Variants in CDH22 observed in about 807,000 individuals in gnomAD.
CDH22 encodes cadherin-22.
In CDH22, 30 loss-of-function variants were observed where a neutral mutation model predicts 58.4. The ratio of observed to expected loss-of-function variants is 0.51; its 90% confidence interval spans 0.38 to 0.70. The LOEUF is 0.70. Among genes scored for constraint, CDH22 ranks in the 30% least tolerant of loss-of-function variants. The pLI, the probability that CDH22 is intolerant of heterozygous loss-of-function variation, is 0.00. For missense variants in CDH22, 1,014 were observed against 1,233.9 expected (o/e 0.82, Z 2.67); for synonymous variants, 513 against 558.2 (o/e 0.92, Z 1.14).
chr20:46,276,622 G>A (rs548980616), intron 1 of CDH22, among the ~76,000 whole-genome samples: 1 of 152,200 alleles, frequency 6.6e-6, no homozygotes, highest in Admixed American at 6.5e-5. Context: ...GGAACTGCTG[G>A]CATCCCCATC....
intron 5 of CDH22, among the ~76,000 whole-genome samples, chr20:46,215,078 C>T (rs190130401): frequency 1.3e-5 from 2 of 152,330 alleles, no homozygotes; most frequent in Non-Finnish European, 2.9e-5. Context: ...TGGACATGTG[C>T]GTTTCCTCAT....
At chr20:46,267,250 T>C (rs2086465266) in intron 1 of CDH22, among the ~76,000 whole-genome samples, 1 of 152,174 alleles carries the variant, frequency 6.6e-6, no homozygotes. Flanking sequence ...TGAGAGCCTC[T>C]GGAGCAGGTG....
At chr20:46,242,190 T>C (rs748175347) in intron 2 of CDH22, among the ~76,000 whole-genome samples, 2 of 152,176 alleles carry the variant, frequency 1.3e-5, no homozygotes, top group African/African-American at 4.8e-5. Flanking sequence ...AGAGTAGGTT[T>C]TTCTATCTTT....
intron 8 of CDH22, among the ~76,000 whole-genome samples, chr20:46,187,343 C>T (rs1213837582): frequency 6.6e-6 from 1 of 151,952 alleles, no homozygotes; most frequent in African/African-American, 2.4e-5. Context: ...TTACCAATAC[C>T]ACTATTTGCA....
chr20:46,293,505 G>A (rs553284029), intron 1 of CDH22, among the ~76,000 whole-genome samples: 2 of 152,140 alleles, frequency 1.3e-5, no homozygotes, highest in South Asian at 2.1e-4. Flanking sequence ...GTGGCTGGGG[G>A]TAGGGGGAGA....
At chr20:46,222,352 T>C (rs1321989329) in intron 4 of CDH22, among the ~76,000 whole-genome samples, 1 of 152,188 alleles carries the variant, frequency 6.6e-6, no homozygotes, top group Non-Finnish European at 1.5e-5. Context: ...TCTCACAGCC[T>C]GGGTGTAGCT....
intron 1 of CDH22, among the ~76,000 whole-genome samples, chr20:46,293,775 C>T (rs983758479): frequency 6.6e-6 from 1 of 152,008 alleles, no homozygotes; most frequent in Non-Finnish European, 1.5e-5. Context: ...CCAGCACTTT[C>T]GAAGGCCAAG....
intron 2 of CDH22, among the ~76,000 whole-genome samples, chr20:46,247,048 C>T (rs2145733034): frequency 4.5e-5 from 1 of 22,296 alleles, no homozygotes; most frequent in African/African-American, 1.7e-4. Context: ...TGACAACCTT[C>T]CCCCCCACTT....
At position 46,228,336 on chromosome 20, in the gene CDH22, C is replaced by A. The variant is rs115443798; in HGVS notation, c.551-709G>T. 2.7e-3 allele frequency among the ~76,000 whole-genome samples: 415 copies of A among 152,298 alleles called. 2 individuals are homozygous for A. Among genetic ancestry groups the A allele is most frequent in the African/African-American group, 9.2e-3 (384 of 41,552 alleles). On this transcript the variant is annotated intron_variant, in intron 3 of 11. Transcript: ENST00000537909. ...TCCCCCTGGGTGCCCAGACAGCCCA[C>A]CCCCAGACACACACACTTCTCATGC...
intron 10 of CDH22, among the ~76,000 whole-genome samples, chr20:46,184,093 TTCTC>T (rs1386815701): frequency 6.6e-6 from 1 of 150,652 alleles, no homozygotes; most frequent in East Asian, 1.9e-4. Context: ...TTACCCTGCT[TTCTC>T]TCTCTCTTTT....
At chr20:46,232,457 A>G (rs2086226224) in intron 3 of CDH22, among the ~76,000 whole-genome samples, 1 of 152,148 alleles carries the variant, frequency 6.6e-6, no homozygotes, top group Non-Finnish European at 1.5e-5. Context: ...AATGAGAGAA[A>G]GAGATGAAGC....
chr20:46,254,760 G>A (rs1302911286), intron 1 of CDH22, among the ~76,000 whole-genome samples: 1 of 152,122 alleles, frequency 6.6e-6, no homozygotes, highest in Non-Finnish European at 1.5e-5. Context: ...TATCAGGGAG[G>A]GAGGGCCTCT....
intron 6 of CDH22, 141 bp downstream of exon 6, chr20:46,212,854 T>C: frequency 1.5e-6 from 1 of 662,650 alleles, no homozygotes; most frequent in Non-Finnish European, 2.6e-6. Flanking sequence ...ACCATCAGTG[T>C]TTTTCCAGGT....
At chr20:46,207,593 G>A (rs983718470) in intron 7 of CDH22, among the ~76,000 whole-genome samples, 6 of 152,216 alleles carry the variant, frequency 3.9e-5, no homozygotes, top group Non-Finnish European at 8.8e-5. Flanking sequence ...CATTGGCAGC[G>A]AGTGTAGTGA....
Position 46,251,243 on chromosome 20 carries a change from G to C in CDH22, c.52C>G (p.Pro18Ala). The change falls in exon 2 of 12, where the codon CCC becomes GCC. Residue 18 changes from proline to alanine, a missense_variant. Pro to Ala is a conservative substitution (Grantham distance 27, BLOSUM62 -1). Coordinates refer to ENST00000537909, the MANE Select transcript of CDH22 (RefSeq NM_021248.3). The surrounding 1 kb of genome is among the most constrained non-coding windows in gnomAD (Gnocchi z 6.7). ...AGCAGCAGCAGCAGCAGTAGCGCGG[G>C]GGACAGCGCGACTCCCGCCCGGAGC... is the stretch of plus-strand genomic sequence containing the variant. Reference protein sequence around the residue: ...RGLRAGVALSPALLLLLLLPP... With the variant: ...RGLRAGVALSAALLLLLLLPP... The C allele has an allele frequency of 6.8e-7, 1 of 1,471,230 alleles. No individual in the cohort carries two copies. Among genetic ancestry groups the C allele is most frequent in the Non-Finnish European group, 9.0e-7 (1 of 1,114,680 alleles). 91.1% of individuals were successfully genotyped at this position (1,471,230 alleles called of 1,614,324 possible). A position where few individuals can be genotyped will look rare whatever the true frequency, so the allele number is the denominator to read the frequency against.
At chr20:46,271,095 T>C (rs2086486060) in intron 1 of CDH22, among the ~76,000 whole-genome samples, 1 of 152,218 alleles carries the variant, frequency 6.6e-6, no homozygotes, top group African/African-American at 2.4e-5. Flanking sequence ...TGGAAGATAA[T>C]GAATAGCAGC....
At chr20:46,271,354 C>A (rs1053673393) in intron 1 of CDH22, among the ~76,000 whole-genome samples, 1 of 152,132 alleles carries the variant, frequency 6.6e-6, no homozygotes, top group Non-Finnish European at 1.5e-5. Context: ...ATGGATTCTC[C>A]CTTCTCCTGC....
rs534273575 is a variant in CDH22, at chr20:46,174,853, A to G, written c.2140T>C (p.Ser714Pro). Reference protein sequence around the residue: ...GSAGGGAGGGSGGGAGSPPQA... With the variant: ...GSAGGGAGGGPGGGAGSPPQA... ...GGGGGGCTGCCCGCGCCCCCGCCCG[A>G]GCCCCCGCCCGCTCCCCCGCCCGCG... Residue 714 changes from serine to proline, a missense_variant, in exon 12 of 12, where the codon TCG becomes CCG. Physicochemically the swap from Ser to Pro is moderately conservative, Grantham distance 74 (BLOSUM62 -1). Coordinates refer to ENST00000537909, the MANE Select transcript of CDH22 (RefSeq NM_021248.3). This position sits in a 1 kb window ranked among gnomAD's most constrained non-coding sequence, Gnocchi z 4.4. The G allele has an allele frequency of 2.9e-5, 17 of 590,946 alleles. No individual in the cohort carries two copies. The highest frequency in any genetic ancestry group is 3.7e-5 in the Non-Finnish European group (16 of 432,948). 36.6% of individuals were successfully genotyped at this position (590,946 alleles called of 1,614,324 possible). A position where few individuals can be genotyped will look rare whatever the true frequency, so the allele number is the denominator to read the frequency against.
At chr20:46,261,074 A>G (rs1182489830) in intron 1 of CDH22, among the ~76,000 whole-genome samples, 1 of 152,186 alleles carries the variant, frequency 6.6e-6, no homozygotes, top group Non-Finnish European at 1.5e-5. Context: ...TTCCAGTTCC[A>G]TTATTTTACT....
Sources: allele counts gnomAD v4.1 joint callset (sites outside exome capture counted in the v4.1 genomes callset), GRCh38; gene constraint gnomAD v4.1.1; non-coding constraint Gnocchi (gnomAD v3.1); transcripts MANE v1.5; gene names NCBI Gene and HGNC (gene_info 2026-07-23, HGNC 2026-07-21).